CNTN4: variants seen among roughly 807,000 people sequenced by gnomAD.
The protein encoded by CNTN4 is contactin-4.
CNTN4 carries 77 observed loss-of-function variants against 122.5 expected under a neutral mutation model. The ratio of observed to expected loss-of-function variants is 0.63; its 90% CI spans 0.52 to 0.76. The LOEUF (loss-of-function observed/expected upper bound fraction) is 0.76. Among genes scored for constraint, CNTN4 ranks in the 30% least tolerant of loss-of-function variants. The pLI, the probability that CNTN4 is intolerant of heterozygous loss-of-function variation, is 0.00. For missense variants in CNTN4, 1,256 were observed against 1,259.1 expected (o/e 1.00, Z 0.04); for synonymous variants, 512 against 447.0 (o/e 1.15, Z -1.83).
At chr3:2,811,691 G>T (rs2092614927) in intron 6 of CNTN4, among the ~76,000 whole-genome samples, 1 of 151,836 alleles carries the variant, frequency 6.6e-6, no homozygotes, top group Admixed American at 6.6e-5. Context: ...TTTAGACGGA[G>T]TCTTGCTCTG....
At position 2,687,023 on chromosome 3, in the gene CNTN4, AATG is replaced by A. The variant is rs144127121; in HGVS notation, c.56-49190_56-49188del. ...TGAGATTCCTTAGCTCAGAGGTGTT[AATG>A]AAGCCACAGGTGGCCATGACTTGGT... On this transcript the variant is annotated intron_variant, in intron 4 of 24. Coordinates refer to ENST00000418658, the MANE Select transcript of CNTN4 (RefSeq NM_175607.3). 4.6e-3 allele frequency among the ~76,000 whole-genome samples: 695 copies of A among 152,296 alleles called. 9 individuals carry two copies. The highest frequency in any genetic ancestry group is 0.01 in the Middle Eastern group (3 of 294).
chr3:2,451,550 C>T (rs1370334187), intron 3 of CNTN4, among the ~76,000 whole-genome samples: 1 of 150,260 alleles, frequency 6.7e-6, no homozygotes, highest in Non-Finnish European at 1.5e-5. Context: ...TATATTTATT[C>T]ACCAATATTA....
intron 6 of CNTN4, among the ~76,000 whole-genome samples, chr3:2,761,041 T>A (rs2090567678): frequency 6.6e-6 from 1 of 152,216 alleles, no homozygotes; most frequent in Non-Finnish European, 1.5e-5. Flanking sequence ...ATTGTCCAGC[T>A]GGGCTCCATT....
chr3:2,326,897 C>G (rs2043486443), intron 2 of CNTN4, among the ~76,000 whole-genome samples: 1 of 152,164 alleles, frequency 6.6e-6, no homozygotes, highest in Non-Finnish European at 1.5e-5. Context: ...ACTCCGAGGC[C>G]TATCCTCTTA....
chr3:2,487,737 A>C (rs2076203327), intron 3 of CNTN4, among the ~76,000 whole-genome samples: 1 of 152,154 alleles, frequency 6.6e-6, no homozygotes, highest in Admixed American at 6.5e-5. Context: ...TACCTTTGTA[A>C]TTTTTGAAAT....
chr3:2,492,050 TA>T (rs988313672), intron 3 of CNTN4, among the ~76,000 whole-genome samples: 8 of 152,074 alleles, frequency 5.3e-5, no homozygotes, highest in South Asian at 2.1e-4. Flanking sequence ...TTGATTTATT[TA>T]AAAAAAATCT....
At chr3:3,006,835 T>C (rs10510248) in intron 14 of CNTN4, among the ~76,000 whole-genome samples, 37,048 of 152,112 alleles carry the variant, frequency 0.24, 4,713 homozygotes, top group East Asian at 0.3. Context: ...CAACCTGTTA[T>C]AAGAATTAGA....
At chr3:2,510,714 A>G (rs2076862662) in intron 3 of CNTN4, among the ~76,000 whole-genome samples, 1 of 152,208 alleles carries the variant, frequency 6.6e-6, no homozygotes, top group Non-Finnish European at 1.5e-5. Flanking sequence ...GATAAAGCGC[A>G]GAACACATGT....
At chr3:3,006,601 G>T (rs1408901946) in intron 14 of CNTN4, among the ~76,000 whole-genome samples, 1 of 152,106 alleles carries the variant, frequency 6.6e-6, no homozygotes, top group Non-Finnish European at 1.5e-5. Flanking sequence ...GTCTCACAGA[G>T]GAACTTAGCA....
chr3:2,511,851 T>G (rs1157180749), intron 3 of CNTN4, among the ~76,000 whole-genome samples: 1 of 152,162 alleles, frequency 6.6e-6, no homozygotes, highest in Admixed American at 6.6e-5. Context: ...TTCTGTTAAA[T>G]CTCTTATATA....
chr3:2,502,387 A>C (rs756419522), intron 3 of CNTN4, among the ~76,000 whole-genome samples: 2 of 152,086 alleles, frequency 1.3e-5, no homozygotes, highest in Admixed American at 1.3e-4. Flanking sequence ...AGTATATTCA[A>C]ATTCACTTGC....
intron 6 of CNTN4, among the ~76,000 whole-genome samples, chr3:2,787,575 C>T (rs2091877176): frequency 6.6e-6 from 1 of 152,114 alleles, no homozygotes. Context: ...CCTGTAATGA[C>T]TGAATTGCAT....
intron 3 of CNTN4, among the ~76,000 whole-genome samples, chr3:2,538,335 T>C (rs2077891699): frequency 6.6e-6 from 1 of 152,126 alleles, no homozygotes; most frequent in Admixed American, 6.6e-5. Flanking sequence ...TTTACGTTAC[T>C]GTGTTACAGC....
Position 2,378,737 on chromosome 3 carries a change from T to G in CNTN4, c.-89+39504T>G, listed in dbSNP as rs80033874. Reference sequence around the variant, plus strand: ...AACTTGACATTTCAAGCTTAGCTCCTTTTTTTTTTTGAAGAAGGATTACAA... The same window carrying G: ...AACTTGACATTTCAAGCTTAGCTCCGTTTTTTTTTTGAAGAAGGATTACAA... On this transcript the variant is annotated intron_variant, in intron 3 of 24. Transcript: ENST00000418658. Among the ~76,000 whole-genome samples, 3 of 124,984 alleles carry G rather than the reference T, an allele frequency of 2.4e-5. No individual in the cohort carries two copies. The Admixed American group carries it at 2.5e-4, about 10-fold the overall frequency. The allele number at this position is 124,984 out of a possible 152,430, so 82.0% of individuals were successfully genotyped here.
At chr3:2,835,061 C>T (rs938311312) in intron 7 of CNTN4, among the ~76,000 whole-genome samples, 5 of 151,780 alleles carry the variant, frequency 3.3e-5, no homozygotes, top group Non-Finnish European at 5.9e-5. Context: ...CCCGCCACCA[C>T]GCCCGGCTCA....
At chr3:2,446,441 T>G (rs898946241) in intron 3 of CNTN4, among the ~76,000 whole-genome samples, 16 of 152,216 alleles carry the variant, frequency 1.1e-4, no homozygotes, top group African/African-American at 3.9e-4. Context: ...TAGAGAATTT[T>G]GTCACTGTCC....
intron 4 of CNTN4, among the ~76,000 whole-genome samples, chr3:2,657,116 G>A (rs576699429): frequency 1.3e-5 from 2 of 152,210 alleles, no homozygotes; most frequent in South Asian, 4.2e-4. Flanking sequence ...TAAATACGTA[G>A]GTTAATGTCA....
intron 23 of CNTN4, among the ~76,000 whole-genome samples, chr3:3,045,654 G>T (rs999166924): frequency 7.2e-5 from 11 of 152,150 alleles, no homozygotes; most frequent in Non-Finnish European, 1.2e-4. Context: ...AAGACCAAAG[G>T]TAGATAAAAC....
In CNTN4 at chr3:3,056,735, T is replaced by G. The variant is rs759347013; in HGVS notation, c.*515T>G. Reference sequence around the variant, plus strand: ...GACTTGGTCCGTAACTCAAGGCTGTTGTATGCAAACTACTCTTCTAGTGGT... The same window carrying G: ...GACTTGGTCCGTAACTCAAGGCTGTGGTATGCAAACTACTCTTCTAGTGGT... On this transcript the variant is annotated 3_prime_UTR_variant, in exon 25 of 25. Transcript: ENST00000418658. The G allele has an allele frequency of 6.4e-6, 1 of 156,472 alleles. No individual in the cohort carries two copies. The highest frequency in any genetic ancestry group is 1.4e-5 in the Non-Finnish European group (1 of 70,494). The allele number at this position is 156,472 out of a possible 1,614,324, so 9.7% of individuals were successfully genotyped here.
Sources: allele counts gnomAD v4.1 joint callset (sites outside exome capture counted in the v4.1 genomes callset), GRCh38; gene constraint gnomAD v4.1.1; transcripts MANE v1.5; gene names NCBI Gene and HGNC (gene_info 2026-07-23, HGNC 2026-07-21).